LRRC4C: variants seen among roughly 807,000 people sequenced by gnomAD.
LRRC4C encodes the protein leucine rich repeat containing 4C, also known as leucine-rich repeat-containing protein 4C.
Under a neutral mutation model 33.6 loss-of-function variants are expected in LRRC4C, and 5 were observed. The observed-to-expected ratio is 0.15, with a 90% confidence interval of 0.08 to 0.31. The LOEUF is 0.31. LRRC4C is among the 10% of genes least tolerant of loss of function. The probability of loss-of-function intolerance (pLI) is 1.00; values close to 1 mark genes in which losing one functional copy is unlikely to be tolerated. For synonymous variants in LRRC4C, 329 were observed against 302.0 expected, an observed-to-expected ratio of 1.09 and a Z score of -0.93; for missense variants, 560 against 796.7, an observed-to-expected ratio of 0.70 and a Z score of 3.58.
chr11:40,297,938 G>T (rs1309359275), intron 4 of LRRC4C, among the ~76,000 whole-genome samples: 1 of 152,110 alleles, frequency 6.6e-6, no homozygotes, highest in Non-Finnish European at 1.5e-5. Flanking sequence ...TATTGTGATG[G>T]ATAGAAATGA....
intron 1 of LRRC4C, among the ~76,000 whole-genome samples, chr11:41,250,176 A>AAAAC (rs1387309501): frequency 6.6e-6 from 1 of 152,146 alleles, no homozygotes; most frequent in African/African-American, 2.4e-5. Context: ...CTCAAAAAAC[A>AAAAC]AAACAAACAA....
At chr11:40,224,070 A>G (rs896690090) in intron 5 of LRRC4C, among the ~76,000 whole-genome samples, 3 of 152,226 alleles carry the variant, frequency 2.0e-5, no homozygotes, top group African/African-American at 7.2e-5. Flanking sequence ...CATTTTGCAC[A>G]GAGAGATCAT....
intron 3 of LRRC4C, among the ~76,000 whole-genome samples, chr11:40,364,376 G>C (rs1042647748): frequency 2.2e-4 from 33 of 152,122 alleles, no homozygotes; most frequent in African/African-American, 8.0e-4. Flanking sequence ...CATGTTAAAA[G>C]ATGCAGAAGA....
At chr11:41,220,267 CT>C (rs1565490388) in intron 1 of LRRC4C, among the ~76,000 whole-genome samples, 2 of 152,026 alleles carry the variant, frequency 1.3e-5, no homozygotes, top group Non-Finnish European at 2.9e-5. Flanking sequence ...TTATTATTTT[CT>C]TTCTGTCAAT....
chr11:40,846,227 G>T (rs1427543691), intron 2 of LRRC4C, among the ~76,000 whole-genome samples: 5 of 151,980 alleles, frequency 3.3e-5, no homozygotes, highest in African/African-American at 9.7e-5. Flanking sequence ...CATTGCTTTT[G>T]GTGTTTTAGT....
chr11:41,122,057 A>T (rs1942461447), intron 1 of LRRC4C, among the ~76,000 whole-genome samples: 1 of 152,156 alleles, frequency 6.6e-6, no homozygotes, highest in African/African-American at 2.4e-5. Context: ...TAAACATCTC[A>T]TTGCTCCTAG....
intron 1 of LRRC4C, among the ~76,000 whole-genome samples, chr11:41,382,564 G>C (rs12797508): frequency 1.3e-5 from 2 of 151,772 alleles, no homozygotes; most frequent in Admixed American, 1.3e-4. Context: ...AATTCACTAA[G>C]TAATAAGAAA....
At chr11:40,588,464 G>A (rs1475650385) in intron 3 of LRRC4C, among the ~76,000 whole-genome samples, 6 of 151,360 alleles carry the variant, frequency 4.0e-5, no homozygotes, top group Admixed American at 6.6e-5. Flanking sequence ...GGTTTTTTGT[G>A]TCTCTATTTC....
intron 1 of LRRC4C, among the ~76,000 whole-genome samples, chr11:41,298,134 G>T (rs1343726466): frequency 6.6e-6 from 1 of 152,166 alleles, no homozygotes; most frequent in East Asian, 1.9e-4. Flanking sequence ...TTACCAGAAA[G>T]CCATGTACTT....
At chr11:41,379,088 C>T (rs1953048597) in intron 1 of LRRC4C, among the ~76,000 whole-genome samples, 1 of 151,948 alleles carries the variant, frequency 6.6e-6, no homozygotes, top group Non-Finnish European at 1.5e-5. Context: ...CACTTTACTC[C>T]CAAAGGGGTA....
At chr11:40,968,399 T>C (rs1050412853) in intron 1 of LRRC4C, among the ~76,000 whole-genome samples, 7 of 152,128 alleles carry the variant, frequency 4.6e-5, no homozygotes, top group Non-Finnish European at 1.0e-4. Context: ...CCAGAAGATC[T>C]GGCTAAGATA....
intron 1 of LRRC4C, among the ~76,000 whole-genome samples, chr11:41,045,454 T>A (rs1032266349): frequency 4.6e-5 from 7 of 152,058 alleles, no homozygotes; most frequent in Admixed American, 4.6e-4. Context: ...ATGGATAGAG[T>A]CATCCAGACC....
At chr11:40,615,048 C>T (rs916306721) in intron 3 of LRRC4C, among the ~76,000 whole-genome samples, 1 of 151,208 alleles carries the variant, frequency 6.6e-6, no homozygotes. Context: ...ATAGACTTGC[C>T]TTATGCAGGG....
At chr11:40,494,768 G>C (rs1954342890) in intron 3 of LRRC4C, among the ~76,000 whole-genome samples, 1 of 152,142 alleles carries the variant, frequency 6.6e-6, no homozygotes. Context: ...AAGAGTTGTT[G>C]AGCAGCTGCT....
chr11:40,324,119 A>G (rs1359227569), intron 3 of LRRC4C, among the ~76,000 whole-genome samples: 1 of 152,174 alleles, frequency 6.6e-6, no homozygotes, highest in Non-Finnish European at 1.5e-5. Flanking sequence ...CTCACATAGA[A>G]GTGTGAATGT....
intron 6 of LRRC4C, among the ~76,000 whole-genome samples, chr11:40,140,243 C>G (rs758380010): frequency 2.0e-5 from 3 of 152,164 alleles, no homozygotes; most frequent in Non-Finnish European, 4.4e-5. Flanking sequence ...AGTCAGTGTT[C>G]CTGCCTCCTG....
At chr11:40,541,037 G>T (rs1450313161) in intron 3 of LRRC4C, among the ~76,000 whole-genome samples, 2 of 152,098 alleles carry the variant, frequency 1.3e-5, no homozygotes, top group African/African-American at 4.8e-5. Flanking sequence ...TTTTAAATAG[G>T]AAACACATTT....
At chr11:41,277,931 C>A (rs139421809) in intron 1 of LRRC4C, among the ~76,000 whole-genome samples, 1 of 151,606 alleles carries the variant, frequency 6.6e-6, no homozygotes, top group Admixed American at 6.6e-5. Flanking sequence ...TTAAGTCAGG[C>A]GCAGAAAGAC....
At chr11:40,518,899 G>A (rs1048933655) in intron 3 of LRRC4C, among the ~76,000 whole-genome samples, 3 of 152,162 alleles carry the variant, frequency 2.0e-5, no homozygotes, top group Admixed American at 6.5e-5. Flanking sequence ...ATACACCATG[G>A]AATACTATGC....
Sources: gnomAD v4.1 joint callset for allele counts (sites outside exome capture counted in the v4.1 genomes callset) on GRCh38, gnomAD v4.1.1 for gene constraint, MANE v1.5 for transcripts, NCBI Gene and HGNC (gene_info 2026-07-23, HGNC 2026-07-21) for gene names.